The following C2CD3 variants were observed in gnomAD, a reference collection of about 807,000 sequenced individuals.
C2CD3 encodes the protein C2 domain-containing protein 3.
In C2CD3, 148 loss-of-function variants were observed where a neutral mutation model predicts 234.0. The ratio of observed to expected loss-of-function variants is 0.63; its 90% CI spans 0.55 to 0.72. C2CD3 has a LOEUF of 0.72. Ranked by LOEUF, C2CD3 falls within the 30% of genes least tolerant of loss-of-function variation. C2CD3 has a pLI of 0.00. For missense variants in C2CD3, 2,577 were observed against 2,811.5 expected (o/e 0.92, Z 1.89); for synonymous variants, 1,000 against 1,035.4 (o/e 0.97, Z 0.66).
At chr11:74,032,195 G>A (rs1014219650) in intron 31 of C2CD3, among the ~76,000 whole-genome samples, 29 of 152,150 alleles carry the variant, frequency 1.9e-4, no homozygotes, top group Admixed American at 1.8e-3. Flanking sequence ...GTGAAGAAAC[G>A]TGCACATAAA....
At chr11:74,048,834 T>C (rs1220505880) in intron 27 of C2CD3, among the ~76,000 whole-genome samples, 1 of 150,986 alleles carries the variant, frequency 6.6e-6, no homozygotes, top group Admixed American at 6.6e-5. Flanking sequence ...GAGAGATGAA[T>C]AGAAAACATA....
In C2CD3 at chr11:74,133,520, C is replaced by T. The variant is rs768465661; in HGVS notation, c.993G>A (p.Met331Ile). 3 of 1,613,998 alleles carry T rather than the reference C, an allele frequency of 1.9e-6. No homozygotes were observed. The highest frequency in any genetic ancestry group is 1.7e-6 in the Non-Finnish European group (2 of 1,179,920). Residue 331 changes from methionine to isoleucine, a missense_variant, in exon 6 of 33, where the codon ATG (methionine) becomes ATA (isoleucine). By Grantham distance (10) the Met-to-Ile change is conservative. Coordinates refer to ENST00000334126, the MANE Select transcript of C2CD3 (RefSeq NM_001286577.2). The stretch of plus-strand genomic sequence containing the variant: ...GGCTTGATTTCATTGCAGAAATCAC[C>T]ATGGCATTACGCAGTTTATTGCCTT... Reference protein sequence around the residue: ...LEQGNKLRNAMVISAMKSSPE... With the variant: ...LEQGNKLRNAIVISAMKSSPE...
rs143972356 is a variant in C2CD3, at chr11:74,142,838, C to T, written c.484-3010G>A. Among the ~76,000 whole-genome samples the T allele has an allele frequency of 7.6e-3, 1,164 of 152,280 alleles. 15 individuals are homozygous for T. Among genetic ancestry groups the T allele is most frequent in the African/African-American group, 0.026 (1,097 of 41,544 alleles). ...CTCCCAGATCTTCATTCCTGTCCAC[C>T]TCAATCATTTGCCTCCCCAATCATG... is the stretch of plus-strand genomic sequence containing the variant. On this transcript the variant is annotated intron_variant, in intron 3 of 32. Transcript: ENST00000334126.
intron 26 of C2CD3, among the ~76,000 whole-genome samples, chr11:74,054,359 T>C (rs996838697): frequency 6.6e-6 from 1 of 151,658 alleles, no homozygotes; most frequent in Non-Finnish European, 1.5e-5. Flanking sequence ...ATCATGCCAC[T>C]GTACTCCAGC....
At chr11:74,165,739 G>A (rs1469155793) in intron 2 of C2CD3, among the ~76,000 whole-genome samples, 2 of 151,988 alleles carry the variant, frequency 1.3e-5, no homozygotes, top group South Asian at 2.1e-4. Flanking sequence ...CTGCAGCCTC[G>A]ACTTCCTGGG....
At chr11:74,090,100 G>A (rs1424695894) in intron 20 of C2CD3, among the ~76,000 whole-genome samples, 2 of 152,138 alleles carry the variant, frequency 1.3e-5, no homozygotes, top group East Asian at 3.9e-4. Context: ...CATGGGGGTT[G>A]TGGCTGGAGT....
In C2CD3 at chr11:74,042,210, G is replaced by A. The variant is rs1352796137; in HGVS notation, c.5504C>T (p.Thr1835Ile). 1 of 1,579,424 alleles carries A rather than the reference G, an allele frequency of 6.3e-7. No homozygotes were observed. Among genetic ancestry groups the A allele is most frequent in the Non-Finnish European group, 8.6e-7 (1 of 1,165,286 alleles). ...ATGGCGTGATGCTTGGCTTCTTGTGGTATCACTTCTGTCAAAAAAAAAAAA... is the reference window on the plus strand; with the variant it reads ...ATGGCGTGATGCTTGGCTTCTTGTGATATCACTTCTGTCAAAAAAAAAAAA... ...LDFSSPGRSD[T>I]TRSQASRHEE... Residue 1835 changes from threonine to isoleucine, a missense_variant, in exon 29 of 33, where the codon ACC becomes ATC. Coordinates refer to ENST00000334126, the MANE Select transcript of C2CD3 (RefSeq NM_001286577.2).
At chr11:74,083,438 A>C (rs1245926951) in intron 22 of C2CD3, among the ~76,000 whole-genome samples, 1 of 152,262 alleles carries the variant, frequency 6.6e-6, no homozygotes, top group Non-Finnish European at 1.5e-5. Flanking sequence ...CAAAATTGAC[A>C]AATGGTATCT....
Position 74,098,306 on chromosome 11 carries a change from A to G in C2CD3, c.2733-51T>C, listed in dbSNP as rs1159564359. ...GCAAATAACAAGCATCAATCATGTC[A>G]TAGAGTTATTTCTTTCTTGACTCAT... On this transcript the variant is annotated intron_variant, in intron 15 of 32. Coordinates refer to ENST00000334126, the MANE Select transcript of C2CD3 (RefSeq NM_001286577.2). 2.6e-6 allele frequency: 4 copies of G among 1,563,926 alleles called. No homozygotes were observed. The African/African-American group carries it at 5.5e-5, about 21-fold the overall frequency.
At position 74,170,749 on chromosome 11, in the gene C2CD3, C is replaced by A. The variant is rs190886915; in HGVS notation, c.44G>T (p.Arg15Leu). 1.9e-6 allele frequency: 3 copies of A among 1,613,930 alleles called. No homozygotes were observed. The highest frequency in any genetic ancestry group is 2.5e-6 in the Non-Finnish European group (3 of 1,179,990). ...KGQGSGGSRG[R>L]KKRGLSDISP... ...ATCGCTCAGGTTACCTCTTTTTTTG[C>A]GCCCACGGCTGCCCCCAGACCCTTG... is the stretch of plus-strand genomic sequence containing the variant. Residue 15 changes from arginine (R) to leucine (L), a missense_variant, in exon 1 of 33, where the codon CGC (arginine) becomes CTC (leucine). By Grantham distance (102) the Arg-to-Leu change is moderately radical. Transcript: ENST00000334126.
chr11:74,034,458 T>G, intron 30 of C2CD3, 180 bp from the exon 31 acceptor site: 1 of 1,548,958 alleles, frequency 6.5e-7, no homozygotes, highest in Non-Finnish European at 8.7e-7. Flanking sequence ...TTTTAGTACT[T>G]TATTCTAATA....
chr11:74,107,516 T>C (rs1439945139), intron 12 of C2CD3, among the ~76,000 whole-genome samples: 1 of 152,248 alleles, frequency 6.6e-6, no homozygotes, highest in Non-Finnish European at 1.5e-5. Flanking sequence ...TGACATTTAC[T>C]AAAAGTTTCT....
chr11:74,082,240 G>C (rs893532812), intron 22 of C2CD3, among the ~76,000 whole-genome samples: 1 of 150,922 alleles, frequency 6.6e-6, no homozygotes, highest in Non-Finnish European at 1.5e-5. Flanking sequence ...CTCAGCCCCC[G>C]GAGTAGCTGG....
At chr11:74,106,336 A>G in intron 13 of C2CD3, 35 bp downstream of exon 13, 1 of 1,610,028 alleles carries the variant, frequency 6.2e-7, no homozygotes, top group Non-Finnish European at 8.5e-7. Flanking sequence ...ATACTCAGCA[A>G]ATACTTCTGA....
chr11:74,018,533 G>A (rs1951958890), intron 32 of C2CD3, among the ~76,000 whole-genome samples: 1 of 152,178 alleles, frequency 6.6e-6, no homozygotes, highest in Non-Finnish European at 1.5e-5. Flanking sequence ...AGCCGCCTGG[G>A]TCTGGCTGGC....
chr11:74,136,571 T>C (rs1957867186), intron 5 of C2CD3, among the ~76,000 whole-genome samples: 1 of 152,200 alleles, frequency 6.6e-6, no homozygotes, highest in Non-Finnish European at 1.5e-5. Flanking sequence ...TGTTTTCATT[T>C]TAAAATGGGG....
chr11:74,153,028 C>A (rs765195971), intron 3 of C2CD3, among the ~76,000 whole-genome samples: 1 of 152,080 alleles, frequency 6.6e-6, no homozygotes, highest in Non-Finnish European at 1.5e-5. Context: ...GAGTTTGAGA[C>A]CAGCCAGCCA....
chr11:74,135,663 C>G (rs1026270091), intron 5 of C2CD3, among the ~76,000 whole-genome samples: 2 of 152,148 alleles, frequency 1.3e-5, no homozygotes, highest in Non-Finnish European at 2.9e-5. Flanking sequence ...TTGACTGATA[C>G]AGCTTTGTAC....
At chr11:74,139,576 G>A (rs751394791) in intron 4 of C2CD3, 29 bp downstream of exon 4, 68 of 1,425,408 alleles carry the variant, frequency 4.8e-5, no homozygotes, top group Non-Finnish European at 6.6e-5. Flanking sequence ...TTAACTGACA[G>A]ATTGACTGGT....
Sources: allele counts gnomAD v4.1 joint callset (sites outside exome capture counted in the v4.1 genomes callset), GRCh38; gene constraint gnomAD v4.1.1; transcripts MANE v1.5; gene names NCBI Gene and HGNC (gene_info 2026-07-23, HGNC 2026-07-21).